CFHR3: variants seen among roughly 807,000 people sequenced by gnomAD.
CFHR3 encodes complement factor H related 3, also known as complement factor H-related protein 3.
CFHR3 carries 22 observed loss-of-function variants against 36.0 expected under a neutral mutation model. The ratio of observed to expected loss-of-function variants is 0.61; its 90% CI spans 0.44 to 0.87. CFHR3 has a LOEUF of 0.87. Ranked by LOEUF, CFHR3 falls within the 40% of genes least tolerant of loss-of-function variation. The pLI, the probability that CFHR3 is intolerant of heterozygous loss-of-function variation, is 0.00. For synonymous variants in CFHR3, 97 were observed against 137.4 expected (o/e 0.71, Z 2.06); for missense variants, 276 against 401.3 (o/e 0.69, Z 2.67).
In CFHR3 at chr1:196,778,342, C is replaced by T. The variant is rs1489457630; in HGVS notation, c.59-820C>T. On this transcript the variant is annotated intron_variant, in intron 1 of 5. Coordinates refer to ENST00000367425, the MANE Select transcript of CFHR3 (RefSeq NM_021023.6). ...GTGCCGCTAGCCTCCTTCCCGTTCT[C>T]TCTGATTTATGATGATTCAAACTTA... Among the ~76,000 whole-genome samples the T allele has an allele frequency of 1.5e-5, 2 of 137,144 alleles. 1 individual carries two copies. Among genetic ancestry groups the T allele is most frequent in the Non-Finnish European group, 3.1e-5 (2 of 64,664 alleles). 90.0% of individuals were successfully genotyped at this position (137,144 alleles called of 152,430 possible). A position where few individuals can be genotyped will look rare whatever the true frequency, so the allele number is the denominator to read the frequency against.
In CFHR3 at chr1:196,788,257, A is replaced by G; in HGVS notation, c.472A>G (p.Ile158Val). ...AGATATAGAAATTGAAAATGGATTC[A>G]TTTCCGAATCTTCCTCTATTTATAT... ...KSDIEIENGF[I>V]SESSSIYILN... Residue 158 changes from isoleucine (I) to valine (V), a missense_variant, in exon 4 of 6, where the codon ATT becomes GTT. Physicochemically the swap from Ile to Val is conservative, Grantham distance 29. Transcript: ENST00000367425. The G allele has an allele frequency of 5.3e-6, 7 of 1,327,140 alleles. No individual in the cohort carries two copies. The highest frequency in any genetic ancestry group is 7.1e-6 in the Non-Finnish European group (7 of 983,624). 82.2% of individuals were successfully genotyped at this position (1,327,140 alleles called of 1,614,324 possible).
chr1:196,777,567 A>G (rs1185578166), intron 1 of CFHR3, among the ~76,000 whole-genome samples: 1 of 137,066 alleles, frequency 7.3e-6, no homozygotes, highest in African/African-American at 3.0e-5. Context: ...GACTTTTCCT[A>G]CTACAGACCA....
At chr1:196,789,837 T>A in intron 4 of CFHR3, 1 of 1,122,392 alleles carries the variant, frequency 8.9e-7, no homozygotes, top group Non-Finnish European at 1.2e-6. Flanking sequence ...TATGTACACA[T>A]ATGTGTGTAC....
At chr1:196,790,702 C>A (rs372743761) in intron 5 of CFHR3, among the ~76,000 whole-genome samples, 1 of 129,484 alleles carries the variant, frequency 7.7e-6, no homozygotes, top group Non-Finnish European at 1.6e-5. Flanking sequence ...CCAGCCTGGG[C>A]GACAGAGGGA....
rs749317387 is a variant in CFHR3, at chr1:196,779,016, A to T, written c.59-146A>T. 6 of 637,492 alleles carry T rather than the reference A, an allele frequency of 9.4e-6. 1 individual carries two copies. The highest frequency in any genetic ancestry group is 2.1e-5 in the South Asian group (1 of 47,480). The allele number at this position is 637,492 out of a possible 1,614,324, so 39.5% of individuals were successfully genotyped here. ...ATACCCAGGAAAACAGATTATACAG[A>T]TGAGAGGTCAGGATCAGGAAACTAG... On this transcript the variant is annotated intron_variant, in intron 1 of 5. Coordinates refer to ENST00000367425, the MANE Select transcript of CFHR3 (RefSeq NM_021023.6).
rs1310309014 is a variant in CFHR3, at chr1:196,785,865, G to A, written c.431-2351G>A. 2.2e-5 allele frequency among the ~76,000 whole-genome samples: 3 copies of A among 137,164 alleles called. 1 individual carries two copies. Among genetic ancestry groups the A allele is most frequent in the African/African-American group, 6.1e-5 (2 of 32,860 alleles). 90.0% of individuals were successfully genotyped at this position (137,164 alleles called of 152,430 possible). A position where few individuals can be genotyped will look rare whatever the true frequency, so the allele number is the denominator to read the frequency against. The stretch of plus-strand genomic sequence containing the variant: ...TGGTGAGGAACTTTGTTCCTTTGGA[G>A]GAGGAGAGGTGCTCTGCTTTTAGAG... On this transcript the variant is annotated intron_variant, in intron 3 of 5. Transcript: ENST00000367425.
intron 4 of CFHR3, chr1:196,789,536 A>T: frequency 1.0e-6 from 1 of 968,578 alleles, no homozygotes; most frequent in East Asian, 3.9e-5. Context: ...ATATCCAATT[A>T]ATATAATTTT....
At chr1:196,783,158 T>G (rs1176638816) in intron 3 of CFHR3, among the ~76,000 whole-genome samples, 1 of 136,520 alleles carries the variant, frequency 7.3e-6, no homozygotes, top group East Asian at 2.0e-4. Flanking sequence ...GAAGACCACT[T>G]GATCATGGTG....
intron 3 of CFHR3, among the ~76,000 whole-genome samples, chr1:196,783,058 A>C (rs1035744025): frequency 7.3e-6 from 1 of 137,202 alleles, no homozygotes; most frequent in Admixed American, 7.0e-5. Flanking sequence ...CTATTGAGAT[A>C]ATCATGTGGT....
At position 196,788,439 on chromosome 1, in the gene CFHR3, C is replaced by T. The variant is rs138865637; in HGVS notation, c.613+41C>T. On this transcript the variant is annotated intron_variant, in intron 4 of 5. Transcript: ENST00000367425. ...ATTCCCATTCAGTTTCTGTCAACTTCGTTCCTCTCTTTGAGATGATAGTGT... is the reference window on the plus strand; with the variant it reads ...ATTCCCATTCAGTTTCTGTCAACTTTGTTCCTCTCTTTGAGATGATAGTGT... 6,236 of 1,517,786 alleles carry T rather than the reference C, an allele frequency of 4.1e-3. 1,551 individuals are homozygous for T. In the African/African-American group the frequency reaches 0.076, roughly 19 times the overall value. The allele number at this position is 1,517,786 out of a possible 1,614,324, so 94.0% of individuals were successfully genotyped here. A position where few individuals can be genotyped will look rare whatever the true frequency, so the allele number is the denominator to read the frequency against.
intron 1 of CFHR3, among the ~76,000 whole-genome samples, chr1:196,777,859 C>A (rs1456341089): frequency 1.5e-5 from 2 of 131,078 alleles, no homozygotes; most frequent in Non-Finnish European, 3.2e-5. Context: ...TGGCGGCACA[C>A]ACCTGCAATC....
Position 196,779,967 on chromosome 1 carries a change from C to G in CFHR3, c.424C>G (p.Arg142Gly). 6.5e-7 allele frequency: 1 copy of G among 1,532,622 alleles called. No homozygotes were observed. The highest frequency in any genetic ancestry group is 1.2e-5 in the South Asian group (1 of 80,666). The allele number at this position is 1,532,622 out of a possible 1,614,324, so 94.9% of individuals were successfully genotyped here. A position where few individuals can be genotyped will look rare whatever the true frequency, so the allele number is the denominator to read the frequency against. ...KGWSPTPRCI[R>G]VRTCSKSDIE... ...CTGGTCTCCTACTCCCAGATGCATC[C>G]GTGTCAGTAAGTACACCGCTCTGAG... The change falls in exon 3 of 6, where the codon CGT (arginine) becomes GGT (glycine). Residue 142 changes from arginine to glycine, a missense_variant. Physicochemically the swap from Arg to Gly is moderately radical, Grantham distance 125. This residue lies in a region of CFHR3 where 178 missense variants were observed against 247.2 expected (regional missense o/e 0.72). Coordinates refer to ENST00000367425, the MANE Select transcript of CFHR3 (RefSeq NM_021023.6).
Position 196,786,018 on chromosome 1 carries a change from A to G in CFHR3, c.431-2198A>G, listed in dbSNP as rs568482080. Reference sequence around the variant, plus strand: ...TTTCTGTTTGTTAGTTTTCCTTCTAACAGACAGGACCCTCAGCTGCAGGTC... The same window carrying G: ...TTTCTGTTTGTTAGTTTTCCTTCTAGCAGACAGGACCCTCAGCTGCAGGTC... On this transcript the variant is annotated intron_variant, in intron 3 of 5. Coordinates refer to ENST00000367425, the MANE Select transcript of CFHR3 (RefSeq NM_021023.6). Among the ~76,000 whole-genome samples the G allele has an allele frequency of 6.6e-3, 890 of 135,494 alleles. 235 individuals carry two copies. Among genetic ancestry groups the G allele is most frequent in the African/African-American group, 0.027 (868 of 31,994 alleles). 88.9% of individuals were successfully genotyped at this position (135,494 alleles called of 152,430 possible). A position where few individuals can be genotyped will look rare whatever the true frequency, so the allele number is the denominator to read the frequency against.
At chr1:196,792,871 G>A (rs2124866383) in intron 5 of CFHR3, among the ~76,000 whole-genome samples, 1 of 136,656 alleles carries the variant, frequency 7.3e-6, no homozygotes, top group South Asian at 2.5e-4. Context: ...CTACATTGTG[G>A]GCATAAGAGA....
rs73073594 is a variant in CFHR3 at position 196,793,454 on chromosome 1, A to G, written c.934A>G (p.Ile312Val). Reference sequence around the variant, plus strand: ...ATTGGGATATAATGCAAATACATCAATTCTATCATTTCAAGCAGTGTGTCG... The same window carrying G: ...ATTGGGATATAATGCAAATACATCAGTTCTATCATTTCAAGCAGTGTGTCG... ...CKLGYNANTSILSFQAVCREG... is the reference protein window; with the variant it reads ...CKLGYNANTSVLSFQAVCREG... The change falls in exon 6 of 6, where the codon ATT becomes GTT. Residue 312 changes from isoleucine (I) to valine (V), a missense_variant. By Grantham distance (29) the Ile-to-Val change is conservative (BLOSUM62 3). Around this residue, in one of 3 missense-constraint regions of CFHR3, gnomAD observed 76 missense variants for 79.8 expected, o/e 0.95. Coordinates refer to ENST00000367425, the MANE Select transcript of CFHR3 (RefSeq NM_021023.6). 7.3e-5 allele frequency: 112 copies of G among 1,526,976 alleles called. 27 individuals are homozygous for G. The South Asian group carries it at 1.3e-3, about 18-fold the overall frequency. 94.6% of individuals were successfully genotyped at this position (1,526,976 alleles called of 1,614,324 possible).
intron 2 of CFHR3, 124 bp downstream of exon 2, chr1:196,779,480 C>A: frequency 1.2e-6 from 1 of 822,728 alleles, no homozygotes; most frequent in Non-Finnish European, 1.9e-6. Context: ...GTTGTTCAAG[C>A]AAAATGACCA....
intron 1 of CFHR3, among the ~76,000 whole-genome samples, chr1:196,777,303 A>G (rs1653760218): frequency 7.3e-6 from 1 of 137,416 alleles, no homozygotes; most frequent in Non-Finnish European, 1.5e-5. Context: ...TCAGAATTGT[A>G]TAAACTTTAT....
In CFHR3 at chr1:196,793,325, A is replaced by G. The variant is rs139520520; in HGVS notation, c.805A>G (p.Ile269Val). The G allele has an allele frequency of 1.8e-3, 2,690 of 1,510,522 alleles. 427 individuals are homozygous for G. The highest frequency in any genetic ancestry group is 2.2e-3 in the Non-Finnish European group (2,429 of 1,117,012). 93.6% of individuals were successfully genotyped at this position (1,510,522 alleles called of 1,614,324 possible). A position where few individuals can be genotyped will look rare whatever the true frequency, so the allele number is the denominator to read the frequency against. Reference protein sequence around the residue: ...SEPPRCIHPCIITEENMNKNN... With the variant: ...SEPPRCIHPCVITEENMNKNN... ...TTTTTTTCTGCTTTCAGATCCATGTATAATAACTGAAGAAAACATGAATAA... is the reference window on the plus strand; with the variant it reads ...TTTTTTTCTGCTTTCAGATCCATGTGTAATAACTGAAGAAAACATGAATAA... Residue 269 changes from isoleucine (I) to valine (V), a missense_variant, in exon 6 of 6, where the codon ATA becomes GTA. Ile to Val is a conservative substitution (Grantham distance 29, BLOSUM62 3). Around this residue, in one of 3 missense-constraint regions of CFHR3, gnomAD observed 76 missense variants for 79.8 expected, o/e 0.95. Transcript: ENST00000367425.
At chr1:196,785,266 C>G (rs1254830815) in intron 3 of CFHR3, among the ~76,000 whole-genome samples, 1 of 135,344 alleles carries the variant, frequency 7.4e-6, no homozygotes, top group Non-Finnish European at 1.6e-5. Flanking sequence ...TTTGGTGAAT[C>G]TGACAATTAT....
Sources: allele counts gnomAD v4.1 joint callset (sites outside exome capture counted in the v4.1 genomes callset), GRCh38; gene constraint gnomAD v4.1.1; regional missense constraint gnomAD v4.1.1; transcripts MANE v1.5; gene names NCBI Gene and HGNC (gene_info 2026-07-23, HGNC 2026-07-21).